The following SAXO1 variants were observed in gnomAD, a reference collection of about 807,000 sequenced individuals.
SAXO1 encodes the protein stabilizer of axonemal microtubules 1.
A neutral mutation model predicts 17.5 loss-of-function variants in SAXO1; 21 were observed. That is an observed-to-expected ratio of 1.20 (90% confidence interval 0.85 to 1.72). The LOEUF (loss-of-function observed/expected upper bound fraction) is 1.72, where lower values mean the gene tolerates loss of function less well. SAXO1 is among the 40% of genes most tolerant of loss of function. SAXO1 has a pLI of 0.00. For missense variants in SAXO1, 843 were observed against 596.0 expected (o/e 1.41, Z -4.32); for synonymous variants, 274 against 216.5 (o/e 1.27, Z -2.33).
chr9:18,943,268 T>C (rs1263007433), intron 2 of SAXO1, among the ~76,000 whole-genome samples: 2 of 152,212 alleles, frequency 1.3e-5, no homozygotes, highest in Admixed American at 6.5e-5. Context: ...TTTAAAAATA[T>C]ATCTTAGCGG....
intron 1 of SAXO1, among the ~76,000 whole-genome samples, chr9:18,976,327 C>G (rs1833150600): frequency 6.6e-6 from 1 of 152,138 alleles, no homozygotes; most frequent in African/African-American, 2.4e-5. Context: ...CCTAACTTCC[C>G]TCTCAGAAGA....
chr9:19,009,087 A>C (rs1212948506), intron 1 of SAXO1, among the ~76,000 whole-genome samples: 1 of 152,118 alleles, frequency 6.6e-6, no homozygotes, highest in Non-Finnish European at 1.5e-5. Context: ...CAGTACCCCC[A>C]CACAGCAACA....
At chr9:18,980,304 G>C (rs1833320899) in intron 1 of SAXO1, among the ~76,000 whole-genome samples, 1 of 151,984 alleles carries the variant, frequency 6.6e-6, no homozygotes, top group Admixed American at 6.6e-5. Flanking sequence ...GGGAGTGTGT[G>C]TTTAAGCATA....
At chr9:19,020,215 AAAGGCC>A (rs1835164937) in intron 1 of SAXO1, among the ~76,000 whole-genome samples, 1 of 152,214 alleles carries the variant, frequency 6.6e-6, no homozygotes, top group Non-Finnish European at 1.5e-5. Context: ...CACAAACTGA[AAAGGCC>A]AAGATAAACC....
rs147238658 is a variant in SAXO1, at chr9:18,997,379, T to C, written c.38+35492A>G. On this transcript the variant is annotated intron_variant, in intron 1 of 3. Coordinates refer to ENST00000380534, the MANE Select transcript of SAXO1 (RefSeq NM_153707.4). ...ATGAGATCAACCTGGGATGCTGGAGTGTGGTAAGAGGAGGGGCATCTGCCA... is the reference window on the plus strand; with the variant it reads ...ATGAGATCAACCTGGGATGCTGGAGCGTGGTAAGAGGAGGGGCATCTGCCA... Among the ~76,000 whole-genome samples, 460 of 152,214 alleles carry C rather than the reference T, an allele frequency of 3.0e-3. 8 individuals are homozygous for C. In the South Asian group the frequency reaches 0.044, roughly 15 times the overall value.
chr9:19,045,764 C>T lies in SAXO1; in HGVS notation c.-158+3445G>A, dbSNP rs577896058. ...ATGCTACCCACGGGTTTTTAAATAA[C>T]TTTAAATAGGAGCAGACAACCAATG... On this transcript the variant is annotated intron_variant, in intron 1 of 3. Transcript: ENST00000542071. Among the ~76,000 whole-genome samples the T allele has an allele frequency of 4.6e-5, 7 of 152,282 alleles. No individual in the cohort carries two copies. The South Asian group carries it at 1.2e-3, about 27-fold the overall frequency.
chr9:18,975,603 T>C (rs913441148), intron 1 of SAXO1, among the ~76,000 whole-genome samples: 2 of 152,182 alleles, frequency 1.3e-5, no homozygotes, highest in African/African-American at 4.8e-5. Context: ...GATCAAAGGA[T>C]AAACTCCAGG....
rs774205596 is a variant in SAXO1, at chr9:18,928,991, C to T, written c.486G>A (p.Pro162=). 20 of 1,613,888 alleles carry T rather than the reference C, an allele frequency of 1.2e-5. No individual in the cohort carries two copies. The African/African-American group carries it at 1.3e-4, about 11-fold the overall frequency. Residue 162 remains proline (P), a synonymous_variant, in exon 4 of 4, where the codon CCG becomes CCA. Coordinates refer to ENST00000380534, the MANE Select transcript of SAXO1 (RefSeq NM_153707.4). ...EPLRLEHKYQ[P]ASVRFDNRTT... Reference sequence around the variant, plus strand: ...TTCTGTTATCAAACCTGACTGATGCCGGCTGGTATTTGTGTTCCAGACGAA... The same window carrying T: ...TTCTGTTATCAAACCTGACTGATGCTGGCTGGTATTTGTGTTCCAGACGAA...
chr9:18,954,622 C>G (rs1053163254), intron 1 of SAXO1, among the ~76,000 whole-genome samples: 15 of 152,118 alleles, frequency 9.9e-5, no homozygotes, highest in African/African-American at 3.6e-4. Flanking sequence ...CAGGCATGAG[C>G]CACCACACCT....
chr9:18,955,728 C>T (rs760180253), intron 1 of SAXO1, among the ~76,000 whole-genome samples: 5 of 152,118 alleles, frequency 3.3e-5, no homozygotes, highest in Admixed American at 3.3e-4. Context: ...GGAACACTAG[C>T]TGCAGCTGCT....
At chr9:19,011,627 A>G (rs940046360) in intron 1 of SAXO1, among the ~76,000 whole-genome samples, 1 of 152,176 alleles carries the variant, frequency 6.6e-6, no homozygotes, top group Non-Finnish European at 1.5e-5. Flanking sequence ...GGGTAGATAC[A>G]CCGACTCAGT....
At chr9:19,029,538 G>A (rs368385950) in intron 1 of SAXO1, among the ~76,000 whole-genome samples, 33 of 152,026 alleles carry the variant, frequency 2.2e-4, no homozygotes, top group East Asian at 1.9e-4. Flanking sequence ...AAAATTCCTC[G>A]CTCCATCCCA....
intron 3 of SAXO1, among the ~76,000 whole-genome samples, chr9:18,936,668 T>G (rs533861355): frequency 2.6e-5 from 4 of 152,248 alleles, no homozygotes; most frequent in African/African-American, 4.8e-5. Context: ...ACTATTCATA[T>G]GCCAGTAAAG....
At chr9:19,008,689 T>C (rs1189281332) in intron 1 of SAXO1, among the ~76,000 whole-genome samples, 2 of 152,190 alleles carry the variant, frequency 1.3e-5, no homozygotes, top group Non-Finnish European at 2.9e-5. Context: ...TGAGGTCTCC[T>C]TAAAGTGTGT....
At chr9:18,944,076 T>C (rs570602436) in intron 2 of SAXO1, among the ~76,000 whole-genome samples, 89 of 151,920 alleles carry the variant, frequency 5.9e-4, no homozygotes, top group African/African-American at 2.2e-3. Context: ...TCACAGACTA[T>C]TCTGAAATTG....
chr9:18,957,666 T>C (rs1832310317), intron 1 of SAXO1, among the ~76,000 whole-genome samples: 1 of 152,168 alleles, frequency 6.6e-6, no homozygotes, highest in Non-Finnish European at 1.5e-5. Flanking sequence ...AAACTCATCA[T>C]TCCATGCCAA....
intron 1 of SAXO1, among the ~76,000 whole-genome samples, chr9:19,015,598 C>G (rs1233170616): frequency 6.6e-6 from 1 of 151,466 alleles, no homozygotes; most frequent in African/African-American, 2.4e-5. Context: ...CCACTTCTGC[C>G]TCCCAAAGTG....
chr9:18,979,849 T>C (rs1833299146), intron 1 of SAXO1, among the ~76,000 whole-genome samples: 1 of 152,128 alleles, frequency 6.6e-6, no homozygotes. Flanking sequence ...TTTCTTTTTT[T>C]AAAAAGAGTC....
intron 1 of SAXO1, among the ~76,000 whole-genome samples, chr9:19,032,016 ACT>A (rs1380463889): frequency 6.6e-6 from 1 of 152,144 alleles, no homozygotes; most frequent in African/African-American, 2.4e-5. Flanking sequence ...CATGATCTTA[ACT>A]CTTACAATAG....
Sources: gnomAD v4.1 joint callset for allele counts (sites outside exome capture counted in the v4.1 genomes callset) on GRCh38, gnomAD v4.1.1 for gene constraint, MANE v1.5 for transcripts, NCBI Gene and HGNC (gene_info 2026-07-23, HGNC 2026-07-21) for gene names.